UGT2A2: variants seen among roughly 807,000 people sequenced by gnomAD.
UGT2A2 encodes the protein UDP glucuronosyltransferase family 2 member A2.
UGT2A2 carries 60 observed loss-of-function variants against 50.7 expected under a neutral mutation model. The observed-to-expected ratio is 1.18, with a 90% confidence interval of 0.96 to 1.47. The LOEUF (loss-of-function observed/expected upper bound fraction) is 1.47. UGT2A2 is among the 40% of genes most tolerant of loss of function. UGT2A2 has a pLI of 0.00. For synonymous variants in UGT2A2, 242 were observed against 214.6 expected (o/e 1.13, Z -1.11); for missense variants, 762 against 634.0 (o/e 1.20, Z -2.17).
rs1560493476 is a variant in UGT2A2 at position 69,638,957 on chromosome 4, T to G, written c.684A>C (p.Gln228His). The change falls in exon 1 of 6, where the codon CAA becomes CAC. Residue 228 changes from glutamine to histidine, a missense_variant. By Grantham distance (24) the Gln-to-His change is conservative (BLOSUM62 0). Transcript: ENST00000604629. ...RIKNTISYSL[Q>H]DYIFQSYWGE... The stretch of plus-strand genomic sequence containing the variant: ...CCCAGTAGGACTGAAATATATAGTC[T>G]TGCAGAGAATAAGATATGGTATTTT... 6.2e-7 allele frequency: 1 copy of G among 1,612,920 alleles called. No individual in the cohort carries two copies.
chr4:69,616,504 T>C (rs552147248), intron 1 of UGT2A2, among the ~76,000 whole-genome samples: 3 of 152,074 alleles, frequency 2.0e-5, no homozygotes, highest in African/African-American at 4.8e-5. Flanking sequence ...TCGATACAAC[T>C]ATTATGTATA....
At chr4:69,600,993 CA>C (rs1245277618) in intron 1 of UGT2A2, among the ~76,000 whole-genome samples, 3 of 152,044 alleles carry the variant, frequency 2.0e-5, no homozygotes, top group African/African-American at 7.2e-5. Context: ...AGATCTAAAC[CA>C]TCTCAGTGGG....
chr4:69,611,815 T>C (rs1720077697), intron 1 of UGT2A2, among the ~76,000 whole-genome samples: 1 of 152,122 alleles, frequency 6.6e-6, no homozygotes, highest in Admixed American at 6.6e-5. Flanking sequence ...AGATACACAG[T>C]ATGTTTTAGG....
intron 1 of UGT2A2, among the ~76,000 whole-genome samples, chr4:69,629,013 C>G (rs1037823607): frequency 6.6e-6 from 1 of 151,352 alleles, no homozygotes; most frequent in African/African-American, 2.4e-5. Flanking sequence ...TCAGGTGATA[C>G]ATGGTTATAC....
Position 69,596,268 on chromosome 4 carries a change from A to T in UGT2A2, c.1005T>A (p.Leu335=). ...EEKANLIASA[L]AQIPQKVLWR... is the part of the protein sequence containing the mutation. Reference sequence around the variant, plus strand: ...TACTGACCTTCTGTGGAATCTGGGCAAGGGCTGAGGCAATAAGATTGGCCT... The same window carrying T: ...TACTGACCTTCTGTGGAATCTGGGCTAGGGCTGAGGCAATAAGATTGGCCT... The change falls in exon 3 of 6, where the codon CTT becomes CTA. Residue 335 remains leucine, a synonymous_variant. Coordinates refer to ENST00000604629, the MANE Select transcript of UGT2A2 (RefSeq NM_001105677.2). 6.3e-7 allele frequency: 1 copy of T among 1,592,942 alleles called. No individual in the cohort carries two copies.
At chr4:69,632,282 C>G (rs1457195471) in intron 1 of UGT2A2, among the ~76,000 whole-genome samples, 1 of 152,014 alleles carries the variant, frequency 6.6e-6, no homozygotes, top group African/African-American at 2.4e-5. Context: ...TTACAAAGCT[C>G]AAAAGGACTA....
intron 5 of UGT2A2, among the ~76,000 whole-genome samples, chr4:69,590,642 T>C (rs1446208013): frequency 3.3e-5 from 5 of 150,936 alleles, no homozygotes; most frequent in African/African-American, 1.2e-4. Context: ...GTGTTGAGTG[T>C]GTGTGTGTGT....
chr4:69,610,104 T>C (rs1445236864), intron 1 of UGT2A2, among the ~76,000 whole-genome samples: 1 of 152,116 alleles, frequency 6.6e-6, no homozygotes, highest in Non-Finnish European at 1.5e-5. Context: ...CAGCAAAACT[T>C]TACACTCATG....
chr4:69,610,351 G>A (rs1192992018), intron 1 of UGT2A2, among the ~76,000 whole-genome samples: 1 of 151,888 alleles, frequency 6.6e-6, no homozygotes, highest in African/African-American at 2.4e-5. Context: ...TCTGGGGCAG[G>A]GTACAAATCA....
chr4:69,624,503 A>C (rs192974891), intron 1 of UGT2A2, among the ~76,000 whole-genome samples: 1 of 151,092 alleles, frequency 6.6e-6, no homozygotes, highest in African/African-American at 2.4e-5. Context: ...TCATTTTGCT[A>C]CTTTTTTTAA....
chr4:69,589,412 T>C lies in UGT2A2; in HGVS notation c.1571A>G (p.Gln524Arg). ...LVIQCCLFSC[Q>R]KFGKIGKKKK... ...CTTCTTTCCTATCTTACCAAATTTT[T>C]GACAGGAAAACAAACAACATTGTAT... The change falls in exon 6 of 6, where the codon CAA becomes CGA. Residue 524 changes from glutamine to arginine, a missense_variant. By Grantham distance (43) the Gln-to-Arg change is conservative (BLOSUM62 1). Coordinates refer to ENST00000604629, the MANE Select transcript of UGT2A2 (RefSeq NM_001105677.2). 6.2e-7 allele frequency: 1 copy of C among 1,613,678 alleles called. No homozygotes were observed. The highest frequency in any genetic ancestry group is 1.3e-5 in the African/African-American group (1 of 75,016).
intron 5 of UGT2A2, 32 bp from the exon 6 acceptor site, chr4:69,589,683 C>A (rs760973572): frequency 2.6e-6 from 4 of 1,564,462 alleles, no homozygotes; most frequent in Non-Finnish European, 3.5e-6. Flanking sequence ...AGAAATTAGA[C>A]AATTTTTGTT....
At chr4:69,636,803 G>C (rs1446413594) in intron 1 of UGT2A2, among the ~76,000 whole-genome samples, 1 of 152,098 alleles carries the variant, frequency 6.6e-6, no homozygotes, top group African/African-American at 2.4e-5. Flanking sequence ...AGCCACATAT[G>C]ATATCATATG....
At chr4:69,600,502 G>A (rs115475103) in intron 1 of UGT2A2, among the ~76,000 whole-genome samples, 2,018 of 152,280 alleles carry the variant, frequency 0.013, 45 homozygotes, top group African/African-American at 0.046. Flanking sequence ...ATGGCCACAG[G>A]CACAAGAGAT....
chr4:69,621,848 G>T (rs910691869), intron 1 of UGT2A2, among the ~76,000 whole-genome samples: 1 of 151,738 alleles, frequency 6.6e-6, no homozygotes, highest in Non-Finnish European at 1.5e-5. Context: ...CATGTTTTTT[G>T]CAGGAACATA....
chr4:69,601,473 C>A (rs1719291045), intron 1 of UGT2A2, among the ~76,000 whole-genome samples: 1 of 152,162 alleles, frequency 6.6e-6, no homozygotes, highest in Non-Finnish European at 1.5e-5. Context: ...CAAGTGCCAC[C>A]TCTTGGCTAG....
chr4:69,625,509 T>G (rs1442574458), intron 1 of UGT2A2, among the ~76,000 whole-genome samples: 3 of 151,378 alleles, frequency 2.0e-5, no homozygotes, highest in Non-Finnish European at 4.4e-5. Context: ...TATCTTTAAA[T>G]TCTTTTTTTC....
chr4:69,624,379 G>A (rs1392960454), intron 1 of UGT2A2, among the ~76,000 whole-genome samples: 2 of 151,090 alleles, frequency 1.3e-5, no homozygotes, highest in African/African-American at 4.8e-5. Context: ...AGATAGCACA[G>A]AGTTTAGTCT....
intron 1 of UGT2A2, among the ~76,000 whole-genome samples, chr4:69,617,924 A>G (rs1455992995): frequency 2.0e-5 from 3 of 151,940 alleles, no homozygotes; most frequent in Admixed American, 6.6e-5. Flanking sequence ...AACAACAAAA[A>G]TGAAAAACAA....
Sources: allele counts gnomAD v4.1 joint callset (sites outside exome capture counted in the v4.1 genomes callset), GRCh38; gene constraint gnomAD v4.1.1; transcripts MANE v1.5; gene names NCBI Gene and HGNC (gene_info 2026-07-23, HGNC 2026-07-21).